The following RB1CC1 variants were observed in gnomAD, a reference collection of about 807,000 sequenced individuals.
RB1CC1 encodes RB1-inducible coiled-coil protein 1.
RB1CC1 carries 46 observed loss-of-function variants against 177.5 expected under a neutral mutation model. The ratio of observed to expected loss-of-function variants is 0.26; its 90% CI spans 0.20 to 0.33. The LOEUF is 0.33. RB1CC1 is among the 10% of genes least tolerant of loss of function. The pLI is 1.00. For synonymous variants in RB1CC1, 666 were observed against 613.6 expected, an observed-to-expected ratio of 1.09 and a Z score of -1.26; for missense variants, 1,703 against 1,816.3, an observed-to-expected ratio of 0.94 and a Z score of 1.13.
intron 15 of RB1CC1, among the ~76,000 whole-genome samples, chr8:52,652,646 C>T (rs1046056836): frequency 5.3e-5 from 8 of 152,068 alleles, no homozygotes. Context: ...GTTAGAGAGC[C>T]ACTGTTCTTG....
intron 8 of RB1CC1, among the ~76,000 whole-genome samples, chr8:52,666,857 G>A (rs1469627718): frequency 6.6e-6 from 1 of 152,104 alleles, no homozygotes; most frequent in Non-Finnish European, 1.5e-5. Flanking sequence ...GAAAATACAG[G>A]AAACAAGTGT....
intron 1 of RB1CC1, among the ~76,000 whole-genome samples, chr8:52,690,472 C>A (rs7838517): frequency 0.68 from 103,203 of 152,012 alleles, 35,385 homozygotes; most frequent in East Asian, 0.83. Context: ...AAGCTGTAAT[C>A]AACGCACAAA....
Position 52,636,032 on chromosome 8 carries a change from T to C in RB1CC1, c.4375A>G (p.Ile1459Val), listed in dbSNP as rs1159220763. The change falls in exon 19 of 24, where the codon ATA (isoleucine) becomes GTA (valine). Residue 1459 changes from isoleucine to valine, a missense_variant. Transcript: ENST00000025008. ...IHMLSEEKQR[I>V]MLLERTLQLK... Reference sequence around the variant, plus strand: ...TTACTTACTCGTTCTAACAGCATTATCCGCTGTTTTTCTTCAGACAACATA... The same window carrying C: ...TTACTTACTCGTTCTAACAGCATTACCCGCTGTTTTTCTTCAGACAACATA... 2 of 1,607,836 alleles carry C rather than the reference T, an allele frequency of 1.2e-6. No individual in the cohort carries two copies. The highest frequency in any genetic ancestry group is 1.7e-6 in the Non-Finnish European group (2 of 1,178,206).
intron 1 of RB1CC1, among the ~76,000 whole-genome samples, chr8:52,703,466 A>G (rs1044979765): frequency 2.6e-5 from 4 of 152,310 alleles, no homozygotes; most frequent in African/African-American, 7.2e-5. Flanking sequence ...CCCTACATGA[A>G]GCTCCATACC....
intron 18 of RB1CC1, among the ~76,000 whole-genome samples, chr8:52,641,860 A>T (rs1229848087): frequency 6.6e-6 from 1 of 152,100 alleles, no homozygotes; most frequent in Non-Finnish European, 1.5e-5. Context: ...GTGGTCTTTC[A>T]CTATATTCAA....
chr8:52,698,208 C>T (rs972805874), intron 1 of RB1CC1, among the ~76,000 whole-genome samples: 1 of 152,102 alleles, frequency 6.6e-6, no homozygotes, highest in Non-Finnish European at 1.5e-5. Flanking sequence ...TCTCAAGTAA[C>T]TGGGACTATG....
chr8:52,687,941 G>A (rs1480951092), intron 1 of RB1CC1, among the ~76,000 whole-genome samples: 1 of 152,226 alleles, frequency 6.6e-6, no homozygotes, highest in African/African-American at 2.4e-5. Flanking sequence ...ACCCCAAACA[G>A]AGCGACCAGC....
Position 52,636,033 on chromosome 8 carries a change from C to T in RB1CC1, c.4374G>A (p.Arg1458=), listed in dbSNP as rs770178894. 1 of 1,607,654 alleles carries T rather than the reference C, an allele frequency of 6.2e-7. No homozygotes were observed. The change falls in exon 19 of 24, where the codon CGG becomes CGA. Residue 1458 remains arginine (R), a synonymous_variant. Transcript: ENST00000025008. The part of the protein sequence containing the change: ...NIHMLSEEKQ[R]IMLLERTLQL... ...TACTTACTCGTTCTAACAGCATTAT[C>T]CGCTGTTTTTCTTCAGACAACATAT...
intron 1 of RB1CC1, among the ~76,000 whole-genome samples, chr8:52,698,507 G>T (rs901769158): frequency 4.6e-5 from 7 of 151,554 alleles, no homozygotes; most frequent in South Asian, 2.1e-4. Flanking sequence ...TAGAGACGGG[G>T]TTTCACTGTG....
chr8:52,661,750 T>G (rs773820804), intron 8 of RB1CC1, 31 bp from the exon 9 acceptor site: 1 of 1,481,652 alleles, frequency 6.7e-7, no homozygotes, highest in Admixed American at 2.3e-5. Context: ...CAAAGGACAT[T>G]AATTTTGTTT....
chr8:52,708,986 T>C (rs1336202520), intron 1 of RB1CC1, among the ~76,000 whole-genome samples: 2 of 152,148 alleles, frequency 1.3e-5, no homozygotes, highest in African/African-American at 4.8e-5. Flanking sequence ...GGCGGACAGA[T>C]CACCTGAGGT....
intron 15 of RB1CC1, among the ~76,000 whole-genome samples, chr8:52,649,526 T>C (rs1281470643): frequency 6.6e-6 from 1 of 152,128 alleles, no homozygotes; most frequent in Admixed American, 6.6e-5. Context: ...TAGTTCACTG[T>C]TTTTTCAAAA....
Position 52,642,529 on chromosome 8 carries a change from CT to C in RB1CC1, c.4158del (p.Glu1387LysfsTer17), listed in dbSNP as rs757077775. On this transcript the variant is annotated frameshift_variant, in exon 18 of 24. Coordinates refer to ENST00000025008, the MANE Select transcript of RB1CC1 (RefSeq NM_014781.5). LOFTEE classifies it high-confidence loss of function. ...CTACTACGCAACTTACTGACTTCTT[CT>C]TCAAGCTTTTTCTTTTCCTCAAGCA... ...ARLLEEKKKL[E>X]EEVSKLRSSS... The C allele has an allele frequency of 6.2e-7, 1 of 1,614,018 alleles. No homozygotes were observed. Among genetic ancestry groups the C allele is most frequent in the Non-Finnish European group, 8.5e-7 (1 of 1,179,964 alleles).
intron 13 of RB1CC1, 102 bp from the exon 14 acceptor site, chr8:52,658,226 C>T (rs1851256232): frequency 8.0e-7 from 1 of 1,250,268 alleles, no homozygotes; most frequent in Non-Finnish European, 1.1e-6. Context: ...AGAGCCTTAT[C>T]ATTCCTTTTT....
chr8:52,660,850 T>A, intron 11 of RB1CC1, 76 bp downstream of exon 11: 1 of 1,287,966 alleles, frequency 7.8e-7, no homozygotes, highest in Non-Finnish European at 1.1e-6. Context: ...ATACATGAAG[T>A]ATGCTACAGA....
chr8:52,713,847 C>G lies in RB1CC1; in HGVS notation c.-167+228G>C, dbSNP rs143801275. 1.9e-3 allele frequency among the ~76,000 whole-genome samples: 284 copies of G among 152,332 alleles called. 3 individuals carry two copies. Among genetic ancestry groups the G allele is most frequent in the Middle Eastern group, 3.4e-3 (1 of 294 alleles). On this transcript the variant is annotated intron_variant, in intron 1 of 23. Transcript: ENST00000025008. ...CCGGCAGCCTAGTGGAGCATCGACT[C>G]GAACCGCTTTTGTCTCCACAGGGGC...
intron 1 of RB1CC1, among the ~76,000 whole-genome samples, chr8:52,713,207 G>C (rs1214374921): frequency 6.6e-6 from 1 of 152,176 alleles, no homozygotes; most frequent in African/African-American, 2.4e-5. Flanking sequence ...TCGTAGTAAC[G>C]TGACTCTTTA....
At chr8:52,649,751 T>C (rs1193916492) in intron 15 of RB1CC1, among the ~76,000 whole-genome samples, 2 of 152,234 alleles carry the variant, frequency 1.3e-5, no homozygotes, top group Non-Finnish European at 2.9e-5. Flanking sequence ...CCATCAATCA[T>C]GTAGTAGGTA....
chr8:52,657,369 G>A lies in RB1CC1; in HGVS notation c.2460C>T (p.Cys820=). Residue 820 remains cysteine, a synonymous_variant, in exon 15 of 24, where the codon TGC becomes TGT. Coordinates refer to ENST00000025008, the MANE Select transcript of RB1CC1 (RefSeq NM_014781.5). ...CTTTTTGTACAAATGTTCTAAAGTG[G>A]CAAAGGTCTTCCTTAATGGTTTGTA... ...FSIQTIKEDL[C]HFRTFVQKEQ... The A allele has an allele frequency of 1.9e-6, 3 of 1,613,948 alleles. No homozygotes were observed. The highest frequency in any genetic ancestry group is 2.5e-6 in the Non-Finnish European group (3 of 1,179,982).
Sources: allele counts gnomAD v4.1 joint callset (sites outside exome capture counted in the v4.1 genomes callset), GRCh38; gene constraint gnomAD v4.1.1; transcripts MANE v1.5; gene names NCBI Gene and HGNC (gene_info 2026-07-23, HGNC 2026-07-21).